GPR149: variants seen among roughly 807,000 people sequenced by gnomAD.
The protein encoded by GPR149 is G protein-coupled receptor 149, also known as probable G protein-coupled receptor 149.
A neutral mutation model predicts 50.2 loss-of-function variants in GPR149; 50 were observed. The observed-to-expected ratio is 1.00, with a 90% CI of 0.79 to 1.26. The LOEUF (loss-of-function observed/expected upper bound fraction) is 1.26. Ranked by LOEUF, GPR149 falls within the 50% of genes most tolerant of loss-of-function variation. GPR149 has a pLI of 0.00. For missense variants in GPR149, 983 were observed against 895.4 expected (o/e 1.10, Z -1.25); for synonymous variants, 405 against 358.2 (o/e 1.13, Z -1.48).
At chr3:154,407,024 C>T (rs1711713615) in intron 3 of GPR149, among the ~76,000 whole-genome samples, 1 of 152,052 alleles carries the variant, frequency 6.6e-6, no homozygotes, top group Non-Finnish European at 1.5e-5. Flanking sequence ...AGGAGTTTCC[C>T]CTTATAAAAC....
At chr3:154,371,306 A>G (rs1181086568) in intron 3 of GPR149, among the ~76,000 whole-genome samples, 2 of 152,170 alleles carry the variant, frequency 1.3e-5, no homozygotes, top group African/African-American at 4.8e-5. Flanking sequence ...AACACAGCCT[A>G]TTGATGCCTA....
rs115028218 is a variant in GPR149, at chr3:154,344,946, C to T, written c.1624-6675G>A. On this transcript the variant is annotated intron_variant, in intron 3 of 3. Coordinates refer to ENST00000389740, the MANE Select transcript of GPR149 (RefSeq NM_001038705.3). ...ATGCAAACAGTACAAAAATACATTTCGAAAAAAACTTATTTTTAAAAGTCC... is the reference window on the plus strand; with the variant it reads ...ATGCAAACAGTACAAAAATACATTTTGAAAAAAACTTATTTTTAAAAGTCC... 7.1e-3 allele frequency among the ~76,000 whole-genome samples: 1,085 copies of T among 152,238 alleles called. 12 individuals are homozygous for T. Among genetic ancestry groups the T allele is most frequent in the African/African-American group, 0.025 (1,044 of 41,550 alleles).
intron 3 of GPR149, among the ~76,000 whole-genome samples, chr3:154,342,502 A>G (rs1276717358): frequency 6.6e-6 from 1 of 152,154 alleles, no homozygotes; most frequent in Non-Finnish European, 1.5e-5. Context: ...TCCACCTCCC[A>G]AGTTCAAGTG....
chr3:154,391,426 A>G (rs1403471563), intron 3 of GPR149, among the ~76,000 whole-genome samples: 1 of 151,844 alleles, frequency 6.6e-6, no homozygotes, highest in Admixed American at 6.6e-5. Context: ...CTTCTTGGTA[A>G]CCACAAAGAA....
chr3:154,356,640 T>C (rs1048389466), intron 3 of GPR149, among the ~76,000 whole-genome samples: 20 of 151,940 alleles, frequency 1.3e-4, no homozygotes, highest in East Asian at 5.8e-4. Flanking sequence ...TGAAGGACCT[T>C]TTCAAGGAGA....
At chr3:154,365,017 T>C (rs1714497054) in intron 3 of GPR149, among the ~76,000 whole-genome samples, 1 of 152,160 alleles carries the variant, frequency 6.6e-6, no homozygotes, top group South Asian at 2.1e-4. Context: ...TAGGCATTGC[T>C]CTACTGGAGA....
intron 2 of GPR149, among the ~76,000 whole-genome samples, chr3:154,427,146 T>C (rs1712325222): frequency 6.6e-6 from 1 of 152,184 alleles, no homozygotes; most frequent in Non-Finnish European, 1.5e-5. Context: ...CAATGCTGCA[T>C]CTCATTCTAG....
At chr3:154,424,746 A>G (rs1006719765) in intron 2 of GPR149, among the ~76,000 whole-genome samples, 1 of 151,910 alleles carries the variant, frequency 6.6e-6, no homozygotes, top group African/African-American at 2.4e-5. Context: ...TCCTTGATAA[A>G]ATATGAATTA....
chr3:154,402,145 T>G (rs528515452), intron 3 of GPR149, among the ~76,000 whole-genome samples: 222 of 152,340 alleles, frequency 1.5e-3, no homozygotes, highest in African/African-American at 5.0e-3. Context: ...AATTTCTCTC[T>G]GAAAATAATT....
intron 3 of GPR149, among the ~76,000 whole-genome samples, chr3:154,362,877 T>C (rs1270663182): frequency 6.6e-6 from 1 of 152,206 alleles, no homozygotes; most frequent in East Asian, 1.9e-4. Flanking sequence ...CATGTGTCAA[T>C]GATCAATATT....
At chr3:154,397,362 G>T (rs1303869287) in intron 3 of GPR149, among the ~76,000 whole-genome samples, 1 of 152,114 alleles carries the variant, frequency 6.6e-6, no homozygotes, top group Non-Finnish European at 1.5e-5. Flanking sequence ...GTTTTTGAAT[G>T]CATTTTATGC....
At chr3:154,402,369 T>G (rs987705230) in intron 3 of GPR149, among the ~76,000 whole-genome samples, 1 of 151,414 alleles carries the variant, frequency 6.6e-6, no homozygotes, top group African/African-American at 2.4e-5. Flanking sequence ...TGAGCTATGA[T>G]CATACCACTG....
chr3:154,405,692 A>C (rs1711668726), intron 3 of GPR149, among the ~76,000 whole-genome samples: 1 of 151,724 alleles, frequency 6.6e-6, no homozygotes, highest in Admixed American at 6.6e-5. Context: ...ATTGACCTTT[A>C]AATAAATAAT....
At chr3:154,377,053 A>G (rs951600567) in intron 3 of GPR149, among the ~76,000 whole-genome samples, 4 of 151,636 alleles carry the variant, frequency 2.6e-5, no homozygotes, top group South Asian at 2.1e-4. Flanking sequence ...ATTAAAAAAA[A>G]AAAAAAAAGA....
At chr3:154,402,955 C>T (rs1360201254) in intron 3 of GPR149, among the ~76,000 whole-genome samples, 1 of 150,502 alleles carries the variant, frequency 6.6e-6, no homozygotes, top group African/African-American at 2.4e-5. Context: ...CTAATGGAAT[C>T]TTTGTGAACA....
intron 3 of GPR149, chr3:154,353,593 G>T: frequency 8.6e-7 from 1 of 1,164,216 alleles, no homozygotes; most frequent in Non-Finnish European, 1.3e-6. Context: ...CTTTGATATG[G>T]TATTGCACCA....
At chr3:154,425,991 T>A (rs1211899180) in intron 2 of GPR149, among the ~76,000 whole-genome samples, 2 of 152,130 alleles carry the variant, frequency 1.3e-5, no homozygotes, top group Non-Finnish European at 2.9e-5. Context: ...TCTCACAATT[T>A]TAGATGTTGT....
chr3:154,408,199 C>T (rs943738712), intron 3 of GPR149, among the ~76,000 whole-genome samples: 1 of 152,130 alleles, frequency 6.6e-6, no homozygotes, highest in African/African-American at 2.4e-5. Flanking sequence ...GTGAAGATGG[C>T]AGATAGGAGG....
chr3:154,339,076 T>A (rs1282117294), intron 3 of GPR149, among the ~76,000 whole-genome samples: 3 of 152,232 alleles, frequency 2.0e-5, no homozygotes, highest in Non-Finnish European at 4.4e-5. Flanking sequence ...TCAACTGACA[T>A]GTTTTGATTT....
Sources: gnomAD v4.1 joint callset for allele counts (sites outside exome capture counted in the v4.1 genomes callset) on GRCh38, gnomAD v4.1.1 for gene constraint, MANE v1.5 for transcripts, NCBI Gene and HGNC (gene_info 2026-07-23, HGNC 2026-07-21) for gene names.